Variants in RFX2 observed in about 807,000 individuals in gnomAD.
RFX2 encodes DNA-binding protein RFX2.
In RFX2, 20 loss-of-function variants were observed where a neutral mutation model predicts 87.8. The ratio of observed to expected loss-of-function variants is 0.23; its 90% CI spans 0.16 to 0.33. The LOEUF (loss-of-function observed/expected upper bound fraction) is 0.33, where lower values mean the gene tolerates loss of function less well. RFX2 is among the 10% of genes least tolerant of loss of function. The pLI is 1.00. For synonymous variants in RFX2, 397 were observed against 431.3 expected, an observed-to-expected ratio of 0.92 and a Z score of 0.98; for missense variants, 767 against 1,012.3, an observed-to-expected ratio of 0.76 and a Z score of 3.29.
rs1297364033 is a variant in RFX2, at chr19:5,997,285, G to A, written c.1860-72C>T. On this transcript the variant is annotated intron_variant, in intron 15 of 17. Transcript: ENST00000303657. The surrounding 1 kb of genome is among the most constrained non-coding windows in gnomAD (Gnocchi z 4.2). ...ACCCGGGCCCCAGGCCAGACTTCAT[G>A]GCAGCAACACACCCCCTGCTCTACG... 34 of 1,461,928 alleles carry A rather than the reference G, an allele frequency of 2.3e-5. No homozygotes were observed. In the East Asian group the frequency reaches 7.9e-4, roughly 34 times the overall value. The allele number at this position is 1,461,928 out of a possible 1,614,324, so 90.6% of individuals were successfully genotyped here.
chr19:6,042,411 G>A (rs2087124066), intron 3 of RFX2, among the ~76,000 whole-genome samples: 1 of 152,200 alleles, frequency 6.6e-6, no homozygotes, highest in African/African-American at 2.4e-5. Context: ...GGGACCAGGA[G>A]AATGACAACG....
At chr19:6,000,106 T>A (rs1377902515) in intron 15 of RFX2, among the ~76,000 whole-genome samples, 2 of 151,960 alleles carry the variant, frequency 1.3e-5, no homozygotes, top group East Asian at 3.9e-4. Flanking sequence ...TGCTGCAGCC[T>A]CCCAAGTAGC....
rs1212627196 is a variant in RFX2 at position 6,012,337 on chromosome 19, G to C, written c.899+649C>G. Reference sequence around the variant, plus strand: ...TAAGCTTTAAAAATTAAAGGTCTGTGATTCCAACTATATGACACTGGGGAA... The same window carrying C: ...TAAGCTTTAAAAATTAAAGGTCTGTCATTCCAACTATATGACACTGGGGAA... On this transcript the variant is annotated intron_variant, in intron 8 of 17. Transcript: ENST00000303657. This position sits in a 1 kb window ranked among gnomAD's most constrained non-coding sequence, Gnocchi z 4.6. The C allele has an allele frequency of 6.6e-6, 1 of 152,284 alleles. No homozygotes were observed. The highest frequency in any genetic ancestry group is 1.5e-5 in the Non-Finnish European group (1 of 68,074). 9.4% of individuals were successfully genotyped at this position (152,284 alleles called of 1,614,324 possible). A position where few individuals can be genotyped will look rare whatever the true frequency, so the allele number is the denominator to read the frequency against.
rs759171697 is a variant in RFX2 at position 6,042,098 on chromosome 19, G to T, written c.206C>A (p.Pro69His). ...CCCTTCCACGTACTGCACCTGGGCAGGATACACGTGCTGCACCGGCTGCAC... is the reference window on the plus strand; with the variant it reads ...CCCTTCCACGTACTGCACCTGGGCATGATACACGTGCTGCACCGGCTGCAC... ...QQVQPVQHVY[P>H]AQVQYVEGGD... Residue 69 changes from proline (P) to histidine (H), a missense_variant, in exon 4 of 18, where the codon CCT becomes CAT. Physicochemically the swap from Pro to His is moderately conservative, Grantham distance 77. This residue lies in a region of RFX2 where 146 missense variants were observed against 139.2 expected (regional missense o/e 1.05). Transcript: ENST00000303657. The T allele has an allele frequency of 6.2e-7, 1 of 1,613,992 alleles. No homozygotes were observed. Among genetic ancestry groups the T allele is most frequent in the South Asian group, 1.1e-5 (1 of 91,088 alleles).
chr19:6,004,035 C>G lies in RFX2; in HGVS notation c.1500+166G>C, dbSNP rs757866136. ...TCTGTTGTTCCCCTTCCTGCCAGCA[C>G]TGACGCGTCACCGGCAGTGTGCTCA... On this transcript the variant is annotated intron_variant, in intron 13 of 17. Transcript: ENST00000303657. This position sits in a 1 kb window ranked among gnomAD's most constrained non-coding sequence, Gnocchi z 4.8. 8.5e-5 allele frequency among the ~76,000 whole-genome samples: 13 copies of G among 152,162 alleles called. No homozygotes were observed. The highest frequency in any genetic ancestry group is 1.9e-4 in the Non-Finnish European group (13 of 68,032).
At chr19:6,048,623 G>A (rs901999716) in intron 1 of RFX2, among the ~76,000 whole-genome samples, 1 of 152,040 alleles carries the variant, frequency 6.6e-6, no homozygotes, top group African/African-American at 2.4e-5. Flanking sequence ...CATACATCGC[G>A]GTGCCCACGA....
intron 4 of RFX2, among the ~76,000 whole-genome samples, chr19:6,041,091 C>G (rs1053360195): frequency 6.6e-6 from 1 of 152,094 alleles, no homozygotes; most frequent in African/African-American, 2.4e-5. Context: ...TTTTTTGAGA[C>G]AGGGTCTCCT....
chr19:6,097,617 G>T (rs1465750952), intron 1 of RFX2, among the ~76,000 whole-genome samples: 2 of 151,970 alleles, frequency 1.3e-5, no homozygotes, highest in Non-Finnish European at 2.9e-5. Flanking sequence ...TTAGAGACAG[G>T]TCTCACCCTC....
rs376319623 is a variant in RFX2 at position 6,004,166 on chromosome 19, A to T, written c.1500+35T>A. ...TCCTGGACTGGAGCCCCTCCCAGCC[A>T]TCGTTGGGGAGCCCAGGCCCCACCC... On this transcript the variant is annotated intron_variant, in intron 13 of 17. Coordinates refer to ENST00000303657, the MANE Select transcript of RFX2 (RefSeq NM_000635.4). The surrounding 1 kb of genome is among the most constrained non-coding windows in gnomAD (Gnocchi z 4.8). 6.6e-7 allele frequency: 1 copy of T among 1,519,470 alleles called. No homozygotes were observed. Among genetic ancestry groups the T allele is most frequent in the African/African-American group, 1.4e-5 (1 of 73,046 alleles). The allele number at this position is 1,519,470 out of a possible 1,614,324, so 94.1% of individuals were successfully genotyped here.
intron 4 of RFX2, among the ~76,000 whole-genome samples, 197 bp downstream of exon 4, chr19:6,041,847 G>T (rs2087112284): frequency 6.6e-6 from 1 of 152,084 alleles, no homozygotes; most frequent in Non-Finnish European, 1.5e-5. Flanking sequence ...GGGACTCTAG[G>T]CACTTGTCAC....
rs560905473 is a variant in RFX2, at chr19:5,995,273, C to T, written c.2057-323G>A. Among the ~76,000 whole-genome samples the T allele has an allele frequency of 1.1e-4, 16 of 152,264 alleles. 1 individual carries two copies. In the South Asian group the frequency reaches 2.1e-3, roughly 20 times the overall value. On this transcript the variant is annotated intron_variant, in intron 17 of 17. Transcript: ENST00000303657. ...ACCCGCATGGGACAGAGACGGGGCC[C>T]GGGGGTCCCTCTGGCCTGCCTGTCC...
At chr19:6,033,294 C>T (rs2086974350) in intron 5 of RFX2, among the ~76,000 whole-genome samples, 2 of 152,154 alleles carry the variant, frequency 1.3e-5, no homozygotes, top group East Asian at 1.9e-4. Flanking sequence ...ATTTTGCATA[C>T]GGTGCCATGA....
chr19:6,052,620 T>G (rs991660803), intron 1 of RFX2, among the ~76,000 whole-genome samples: 1 of 152,206 alleles, frequency 6.6e-6, no homozygotes, highest in Non-Finnish European at 1.5e-5. Context: ...GAATATTCAC[T>G]GTGATGGGTC....
In RFX2 at chr19:6,074,192, T is replaced by C. The variant is rs548667563; in HGVS notation, c.-8-26688A>G. 7.2e-5 allele frequency among the ~76,000 whole-genome samples: 11 copies of C among 152,222 alleles called. No homozygotes were observed. Among genetic ancestry groups the C allele is most frequent in the Admixed American group, 6.5e-4 (10 of 15,286 alleles). ...GGGCAAACAGAGAGCCGGGGTTTTG[T>C]AGCAGGGGTGGGGGTGCGGTACAGG... On this transcript the variant is annotated intron_variant, in intron 1 of 17. Transcript: ENST00000303657. This position sits in a 1 kb window ranked among gnomAD's most constrained non-coding sequence, Gnocchi z 5.2.
At chr19:6,082,219 A>G (rs1483227960) in intron 1 of RFX2, among the ~76,000 whole-genome samples, 2 of 151,314 alleles carry the variant, frequency 1.3e-5, no homozygotes, top group South Asian at 2.1e-4. Context: ...ATTTGAACCA[A>G]GGAGGCAGAG....
At chr19:6,035,896 T>C (rs1370725348) in intron 5 of RFX2, among the ~76,000 whole-genome samples, 1 of 146,262 alleles carries the variant, frequency 6.8e-6, no homozygotes, top group East Asian at 2.0e-4. Flanking sequence ...TGTGAAAACA[T>C]AGCCTATTCA....
chr19:6,080,659 G>C (rs927486659), intron 1 of RFX2, among the ~76,000 whole-genome samples: 30 of 152,208 alleles, frequency 2.0e-4, no homozygotes, highest in Admixed American at 2.0e-4. Flanking sequence ...ATGTGGGAGA[G>C]AGCAGCCTGG....
At chr19:6,090,652 C>T (rs2087921568) in intron 1 of RFX2, among the ~76,000 whole-genome samples, 1 of 152,162 alleles carries the variant, frequency 6.6e-6, no homozygotes. Context: ...TCAGCAACTC[C>T]ACTCCTAGGT....
rs1020695475 is a variant in RFX2 at position 6,021,890 on chromosome 19, C to T, written c.597+4273G>A. 9.9e-5 allele frequency among the ~76,000 whole-genome samples: 15 copies of T among 152,194 alleles called. No homozygotes were observed. The highest frequency in any genetic ancestry group is 2.1e-4 in the South Asian group (1 of 4,824). On this transcript the variant is annotated intron_variant, in intron 6 of 17. Transcript: ENST00000303657. This position sits in a 1 kb window ranked among gnomAD's most constrained non-coding sequence, Gnocchi z 5.7. ...GAGGCTGGGTAGGGGTGGGTGCTGA[C>T]GGCTGGCTAGGAGGTGGCCGAAAGA...
Sources: gnomAD v4.1 joint callset for allele counts (sites outside exome capture counted in the v4.1 genomes callset) on GRCh38, gnomAD v4.1.1 for gene constraint, gnomAD v4.1.1 regional missense constraint, Gnocchi (gnomAD v3.1) non-coding constraint, MANE v1.5 for transcripts, NCBI Gene and HGNC (gene_info 2026-07-23, HGNC 2026-07-21) for gene names.